The following PCDHA6 variants were observed in gnomAD, a reference collection of about 807,000 sequenced individuals.
PCDHA6 encodes protocadherin alpha 6.
A neutral mutation model predicts 60.3 loss-of-function variants in PCDHA6; 55 were observed. The observed-to-expected ratio is 0.91, with a 90% CI of 0.73 to 1.14. The LOEUF (loss-of-function observed/expected upper bound fraction) is 1.14. Ranked by LOEUF, PCDHA6 falls within the 50% of genes most tolerant of loss-of-function variation. The probability of loss-of-function intolerance (pLI) is 0.00; values close to 1 mark genes in which losing one functional copy is unlikely to be tolerated. For missense variants in PCDHA6, 1,327 were observed against 1,256.5 expected, an observed-to-expected ratio of 1.06 and a Z score of -0.85; for synonymous variants, 652 against 557.9, an observed-to-expected ratio of 1.17 and a Z score of -2.38.
chr5:140,855,887 C>A, intron 1 of PCDHA6: 1 of 985,610 alleles, frequency 1.0e-6, no homozygotes, highest in Non-Finnish European at 1.5e-6. Flanking sequence ...CTTTTTAGAA[C>A]AAAGGCATCA....
chr5:140,928,513 A>G lies in PCDHA6; in HGVS notation c.2395-50436A>G, dbSNP rs781867292. On this transcript the variant is annotated intron_variant, in intron 1 of 3. Transcript: ENST00000529310. ...TCCTCCCAGAAGTGCAACAGTGACTATAAACTTGTTTGTGGTAGATAGGAA... is the reference window on the plus strand; with the variant it reads ...TCCTCCCAGAAGTGCAACAGTGACTGTAAACTTGTTTGTGGTAGATAGGAA... 1.4e-5 allele frequency: 23 copies of G among 1,614,064 alleles called. No individual in the cohort carries two copies. In the African/African-American group the frequency reaches 2.8e-4, roughly 20 times the overall value.
intron 3 of PCDHA6, among the ~76,000 whole-genome samples, chr5:140,987,213 C>CAA (rs58319157): frequency 8.4e-5 from 10 of 118,874 alleles, no homozygotes; most frequent in Non-Finnish European, 1.2e-4. Flanking sequence ...GACTCCATCT[C>CAA]AAAAAAAAAA....
intron 1 of PCDHA6, among the ~76,000 whole-genome samples, chr5:140,888,737 A>G (rs1468383652): frequency 6.6e-6 from 1 of 152,036 alleles, no homozygotes; most frequent in Non-Finnish European, 1.5e-5. Flanking sequence ...TGTGAGCTCT[A>G]GGAATTATTC....
intron 1 of PCDHA6, among the ~76,000 whole-genome samples, chr5:140,880,863 T>C (rs1312869588): frequency 6.6e-6 from 1 of 152,170 alleles, no homozygotes; most frequent in Non-Finnish European, 1.5e-5. Flanking sequence ...TCTAATTATG[T>C]GAAGAGGTAA....
chr5:140,878,600 A>G (rs2153362487), intron 1 of PCDHA6, among the ~76,000 whole-genome samples: 1 of 152,320 alleles, frequency 6.6e-6, no homozygotes, highest in East Asian at 1.9e-4. Context: ...TACCAAGTGA[A>G]TCTTCTAATG....
intron 1 of PCDHA6, chr5:140,863,417 G>C: frequency 7.1e-6 from 5 of 701,160 alleles, no homozygotes; most frequent in African/African-American, 1.8e-5. Context: ...CTGGTGTACC[G>C]CAGCGTAGTG....
At chr5:140,877,240 G>A (rs1481558429) in intron 1 of PCDHA6, 2 of 1,613,736 alleles carry the variant, frequency 1.2e-6, no homozygotes, top group Non-Finnish European at 1.7e-6. Context: ...TGCGGGCCAC[G>A]TGGTGGCGAA....
chr5:141,000,392 T>TATAA (rs2097913276), intron 3 of PCDHA6, among the ~76,000 whole-genome samples: 1 of 62,986 alleles, frequency 1.6e-5, no homozygotes, highest in African/African-American at 7.3e-5. Context: ...TCTCTCTCTC[T>TATAA]CTCTATATAT....
In PCDHA6 at chr5:140,829,920, A is replaced by G; in HGVS notation, c.1829A>G (p.Glu610Gly). ...GGCTACAACGCGTGGCTTTCGTATG[A>G]GCTGCAGCCCCCGGCAAGCAGCGCT... ...DSGYNAWLSYELQPPASSARF... is the reference protein window; with the variant it reads ...DSGYNAWLSYGLQPPASSARF... Residue 610 changes from glutamate (E) to glycine (G), a missense_variant, in exon 1 of 4, where the codon GAG (glutamate) becomes GGG (glycine). By Grantham distance (98) the Glu-to-Gly change is moderately conservative. Transcript: ENST00000529310. The G allele has an allele frequency of 1.2e-6, 2 of 1,613,998 alleles. No homozygotes were observed. Among genetic ancestry groups the G allele is most frequent in the Non-Finnish European group, 1.7e-6 (2 of 1,179,918 alleles).
intron 3 of PCDHA6, among the ~76,000 whole-genome samples, chr5:140,990,426 G>A (rs3756324): frequency 0.3 from 46,292 of 152,022 alleles, 7,253 homozygotes; most frequent in East Asian, 0.43. Flanking sequence ...AACCAGCATT[G>A]ACCCAATCTT....
chr5:140,862,657 C>T (rs2047475881), intron 1 of PCDHA6: 2 of 545,364 alleles, frequency 3.7e-6, no homozygotes, highest in South Asian at 2.8e-5. Context: ...CGCGCGGGAC[C>T]GGGACGCGCA....
chr5:140,918,210 A>T (rs2078574076), intron 1 of PCDHA6, among the ~76,000 whole-genome samples: 1 of 152,152 alleles, frequency 6.6e-6, no homozygotes, highest in Non-Finnish European at 1.5e-5. Context: ...TTGTTGGTGT[A>T]CAGAAATGCT....
chr5:140,967,385 C>G (rs2096135382), intron 1 of PCDHA6: 1 of 1,608,920 alleles, frequency 6.2e-7, no homozygotes, highest in African/African-American at 1.3e-5. Flanking sequence ...CAGTAAAGTG[C>G]TTGAGCTGGT....
At chr5:140,870,010 G>A in intron 1 of PCDHA6, 1 of 1,613,560 alleles carries the variant, frequency 6.2e-7, no homozygotes, top group Non-Finnish European at 8.5e-7. Context: ...AGAAGTGAGG[G>A]TCAATGGAAC....
At chr5:140,968,187 A>G in intron 1 of PCDHA6, 3 of 1,614,064 alleles carry the variant, frequency 1.9e-6, no homozygotes, top group Non-Finnish European at 2.5e-6. Context: ...GAGGACTCCT[A>G]TTCCATCTAC....
Position 140,829,836 on chromosome 5 carries a change from C to G in PCDHA6, c.1745C>G (p.Pro582Arg), listed in dbSNP as rs2150175782. ...GTGGAVSELV[P>R]RSLGAGQVVA... ...GGTGGTGCAGTGAGCGAGCTGGTGC[C>G]GCGGTCACTGGGTGCAGGCCAAGTG... Residue 582 changes from proline to arginine, a missense_variant, in exon 1 of 4, where the codon CCG becomes CGG. Physicochemically the swap from Pro to Arg is moderately radical, Grantham distance 103. Coordinates refer to ENST00000529310, the MANE Select transcript of PCDHA6 (RefSeq NM_018909.4). 3 of 1,613,890 alleles carry G rather than the reference C, an allele frequency of 1.9e-6. No homozygotes were observed. The highest frequency in any genetic ancestry group is 2.2e-5 in the South Asian group (2 of 91,070).
intron 1 of PCDHA6, chr5:140,969,111 G>A (rs1554231464): frequency 4.3e-6 from 7 of 1,614,116 alleles, no homozygotes; most frequent in Non-Finnish European, 5.9e-6. Flanking sequence ...ATTGAAGTTC[G>A]AGGGAATGGC....
intron 1 of PCDHA6, chr5:140,834,557 G>A (rs1484712416): frequency 1.9e-6 from 3 of 1,613,996 alleles, no homozygotes; most frequent in East Asian, 2.2e-5. Context: ...AGCTGGCGGA[G>A]CTGGTGCCGC....
At position 140,979,027 on chromosome 5, in the gene PCDHA6, T is replaced by C. The variant is rs782016038; in HGVS notation, c.2453+20T>C. ...GCACAGGTATGTATTTCCCTCCTCA[T>C]TCACTCAGAAGTAACCTTAACTTGG... On this transcript the variant is annotated intron_variant, in intron 2 of 3. Coordinates refer to ENST00000529310, the MANE Select transcript of PCDHA6 (RefSeq NM_018909.4). The C allele has an allele frequency of 3.5e-5, 57 of 1,613,492 alleles. No homozygotes were observed. Among genetic ancestry groups the C allele is most frequent in the Non-Finnish European group, 4.4e-5 (52 of 1,179,754 alleles).
Sources: allele counts gnomAD v4.1 joint callset (sites outside exome capture counted in the v4.1 genomes callset), GRCh38; gene constraint gnomAD v4.1.1; transcripts MANE v1.5; gene names NCBI Gene and HGNC (gene_info 2026-07-23, HGNC 2026-07-21).